LINGO2: variants seen among roughly 807,000 people sequenced by gnomAD.
LINGO2 encodes the protein leucine rich repeat and Ig domain containing 2.
A neutral mutation model predicts 30.6 loss-of-function variants in LINGO2; 14 were observed. The observed-to-expected ratio is 0.46, with a 90% CI of 0.30 to 0.72. The LOEUF is 0.72. LINGO2 is among the 30% of genes least tolerant of loss of function. The probability of loss-of-function intolerance (pLI) is 0.07; values close to 1 mark genes in which losing one functional copy is unlikely to be tolerated. For synonymous variants in LINGO2, 317 were observed against 288.5 expected (o/e 1.10, Z -1.00); for missense variants, 729 against 751.7 (o/e 0.97, Z 0.35).
chr9:28,241,868 G>A (rs1669724198), intron 4 of LINGO2, among the ~76,000 whole-genome samples: 1 of 152,120 alleles, frequency 6.6e-6, no homozygotes, highest in African/African-American at 2.4e-5. Flanking sequence ...AACTGCAGCA[G>A]CCCTACAGAA....
At chr9:28,163,416 A>G (rs1265535887) in intron 4 of LINGO2, among the ~76,000 whole-genome samples, 2 of 152,142 alleles carry the variant, frequency 1.3e-5, no homozygotes, top group African/African-American at 4.8e-5. Flanking sequence ...AGTCTTTGTT[A>G]TTTTTAGAAT....
At chr9:28,258,517 A>T (rs1330628300) in intron 4 of LINGO2, among the ~76,000 whole-genome samples, 2 of 151,950 alleles carry the variant, frequency 1.3e-5, no homozygotes, top group African/African-American at 2.4e-5. Flanking sequence ...CACACCCCAC[A>T]AGATTGTTAG....
chr9:28,054,697 T>A (rs1446495123), intron 4 of LINGO2, among the ~76,000 whole-genome samples: 1 of 152,112 alleles, frequency 6.6e-6, no homozygotes, highest in East Asian at 1.9e-4. Flanking sequence ...TCACAAAAAA[T>A]TATAGTAAAT....
chr9:28,312,115 C>T (rs900944104), intron 3 of LINGO2, among the ~76,000 whole-genome samples: 6 of 150,058 alleles, frequency 4.0e-5, no homozygotes, highest in African/African-American at 1.5e-4. Flanking sequence ...AGTCAAGTAT[C>T]TATGTTCTTT....
intron 4 of LINGO2, among the ~76,000 whole-genome samples, chr9:28,077,311 T>C (rs1825653629): frequency 6.6e-6 from 1 of 152,188 alleles, no homozygotes; most frequent in South Asian, 2.1e-4. Flanking sequence ...TTGAGTATGA[T>C]GAATTATTTC....
At chr9:28,004,681 A>C (rs910821189) in intron 5 of LINGO2, among the ~76,000 whole-genome samples, 3 of 152,190 alleles carry the variant, frequency 2.0e-5, no homozygotes, top group African/African-American at 4.8e-5. Flanking sequence ...ATACTCAACA[A>C]AGGCACCTGA....
the LINGO2 span, among the ~76,000 whole-genome samples, chr9:29,170,688 G>A: frequency 6.6e-6 from 1 of 151,918 alleles, no homozygotes. Flanking sequence ...ATGTAAGAGA[G>A]AATTACTATT....
chr9:27,949,393 T>G, exon 6 of LINGO2: 1 of 1,614,144 alleles, frequency 6.2e-7, no homozygotes, highest in Non-Finnish European at 8.5e-7. Flanking sequence ...AGCTGGACTG[T>G]CTGCCCTTCA....
intron 1 of LINGO2, among the ~76,000 whole-genome samples, chr9:28,518,210 G>A (rs1232301718): frequency 1.3e-5 from 2 of 152,110 alleles, no homozygotes; most frequent in African/African-American, 4.8e-5. Context: ...GAGATGAAGT[G>A]AATTAATTCT....
chr9:27,970,466 G>A (rs899897664), intron 5 of LINGO2, among the ~76,000 whole-genome samples: 3 of 151,242 alleles, frequency 2.0e-5, no homozygotes, highest in African/African-American at 7.4e-5. Context: ...TCAAGTAAGA[G>A]GTTTTGAGCT....
Position 28,329,006 on chromosome 9 carries a change from G to A in LINGO2, c.-245-33640C>T, listed in dbSNP as rs1825326729. On this transcript the variant is annotated intron_variant, in intron 3 of 5. Transcript: ENST00000379992. The surrounding 1 kb of genome is among the most constrained non-coding windows in gnomAD (Gnocchi z 4.5). ...TGGAATACATTGAATGGCCTTCACAGAGACTTCTCAGGTTCTCACCCCATC... is the reference window on the plus strand; with the variant it reads ...TGGAATACATTGAATGGCCTTCACAAAGACTTCTCAGGTTCTCACCCCATC... Among the ~76,000 whole-genome samples the A allele has an allele frequency of 1.3e-5, 2 of 152,152 alleles. No homozygotes were observed. The highest frequency in any genetic ancestry group is 6.5e-5 in the Admixed American group (1 of 15,280).
At chr9:28,065,103 C>T (rs1035138844) in intron 4 of LINGO2, among the ~76,000 whole-genome samples, 10 of 151,692 alleles carry the variant, frequency 6.6e-5, no homozygotes, top group South Asian at 4.2e-4. Context: ...GCCCTGCATA[C>T]AGGAAGTGTA....
the LINGO2 span, among the ~76,000 whole-genome samples, chr9:28,994,692 C>T: frequency 6.6e-6 from 1 of 151,920 alleles, no homozygotes; most frequent in Admixed American, 6.6e-5. Flanking sequence ...TGCAACAGAA[C>T]AGAGCCCTCA....
intron 5 of LINGO2, among the ~76,000 whole-genome samples, chr9:27,975,896 T>C (rs112518717): frequency 7.2e-4 from 109 of 152,218 alleles, no homozygotes; most frequent in Non-Finnish European, 1.2e-3. Flanking sequence ...TCACATTTGA[T>C]AGTTGCATAG....
chr9:28,559,655 A>G (rs1198306234), intron 1 of LINGO2, among the ~76,000 whole-genome samples: 4 of 152,158 alleles, frequency 2.6e-5, no homozygotes, highest in Admixed American at 2.6e-4. Context: ...AAGAAATACA[A>G]TCAAAATTCT....
At chr9:29,066,512 G>T in the LINGO2 span, among the ~76,000 whole-genome samples, 3 of 151,844 alleles carry the variant, frequency 2.0e-5, no homozygotes, top group Non-Finnish European at 4.4e-5. Flanking sequence ...CGATCATAGT[G>T]GCACCCTAGA....
the LINGO2 span, among the ~76,000 whole-genome samples, chr9:28,707,999 G>A: frequency 1.2e-4 from 18 of 152,024 alleles, no homozygotes; most frequent in African/African-American, 4.3e-4. Context: ...AAATAAGAAG[G>A]TGGGAATAAA....
In LINGO2 at chr9:28,148,023, G is replaced by A. The variant is rs552349799; in HGVS notation, c.-86-135618C>T. Among the ~76,000 whole-genome samples, 31 of 152,232 alleles carry A rather than the reference G, an allele frequency of 2.0e-4. No homozygotes were observed. The highest frequency in any genetic ancestry group is 7.2e-4 in the Admixed American group (11 of 15,300). ...TTAAGCATATTTTGTTCCTGGTTCC[G>A]CCACAGGTCCTGGCCATGCCATTGG... is the stretch of plus-strand genomic sequence containing the variant. On this transcript the variant is annotated intron_variant, in intron 4 of 5. Coordinates refer to ENST00000379992, the Ensembl canonical transcript of LINGO2. The surrounding 1 kb of genome is among the most constrained non-coding windows in gnomAD (Gnocchi z 5.1).
chr9:28,146,164 C>G (rs1369649376), intron 4 of LINGO2, among the ~76,000 whole-genome samples: 3 of 152,280 alleles, frequency 2.0e-5, no homozygotes, highest in East Asian at 3.9e-4. Flanking sequence ...CTAGCTGTAC[C>G]ACAATCAGCC....
Sources: allele counts gnomAD v4.1 joint callset (sites outside exome capture counted in the v4.1 genomes callset), GRCh38; gene constraint gnomAD v4.1.1; non-coding constraint Gnocchi (gnomAD v3.1); transcripts MANE v1.5; gene names NCBI Gene and HGNC (gene_info 2026-07-23, HGNC 2026-07-21).